Variants in ADGRV1 observed in about 807,000 individuals in gnomAD.
ADGRV1 encodes adhesion G protein-coupled receptor V1.
A neutral mutation model predicts 596.2 loss-of-function variants in ADGRV1; 359 were observed. The ratio of observed to expected loss-of-function variants is 0.60; its 90% CI spans 0.55 to 0.66. ADGRV1 has a LOEUF of 0.66. Ranked by LOEUF, ADGRV1 falls within the 30% of genes least tolerant of loss-of-function variation. The pLI, the probability that ADGRV1 is intolerant of heterozygous loss-of-function variation, is 0.00. For synonymous variants in ADGRV1, 2,681 were observed against 2,679.2 expected, an observed-to-expected ratio of 1.00 and a Z score of -0.02; for missense variants, 7,274 against 7,575.6, an observed-to-expected ratio of 0.96 and a Z score of 1.48.
chr5:90,736,617 G>A (rs1753258472), intron 50 of ADGRV1, among the ~76,000 whole-genome samples: 1 of 151,954 alleles, frequency 6.6e-6, no homozygotes, highest in South Asian at 2.1e-4. Context: ...TTTGATATGA[G>A]TCGTTTTATG....
chr5:90,961,029 A>G (rs1425361878), intron 83 of ADGRV1, among the ~76,000 whole-genome samples: 1 of 152,138 alleles, frequency 6.6e-6, no homozygotes, highest in Non-Finnish European at 1.5e-5. Context: ...AATACTTGTC[A>G]CATTTTATTG....
intron 54 of ADGRV1, among the ~76,000 whole-genome samples, chr5:90,754,253 T>G (rs966192217): frequency 6.6e-6 from 1 of 152,164 alleles, no homozygotes; most frequent in Non-Finnish European, 1.5e-5. Flanking sequence ...AAAATAGTAA[T>G]TAGAATAATT....
intron 32 of ADGRV1, 45 bp from the exon 33 acceptor site, chr5:90,693,845 C>G (rs1426571967): frequency 7.2e-7 from 1 of 1,395,926 alleles, no homozygotes; most frequent in Non-Finnish European, 9.6e-7. Flanking sequence ...TTTGTAATTA[C>G]TTTGAGTGCT....
chr5:91,015,648 G>A (rs1783115908), intron 85 of ADGRV1, among the ~76,000 whole-genome samples: 1 of 151,892 alleles, frequency 6.6e-6, no homozygotes, highest in African/African-American at 2.4e-5. Context: ...CCTTATTTGT[G>A]TTTTTTAGTC....
In ADGRV1 at chr5:90,685,889, A is replaced by G; in HGVS notation, c.6384A>G (p.Arg2128=). The part of the protein sequence containing the change: ...GTLQLSAPIV[R]VAENHVGPII... ...TTCAGCTCTCAGCACCAATTGTCCG[A>G]GTGGCAGAAAATCATGTTGGACCCA... The change falls in exon 29 of 90, where the codon CGA becomes CGG. Residue 2128 remains arginine, a synonymous_variant. Transcript: ENST00000405460. 1 of 1,612,566 alleles carries G rather than the reference A, an allele frequency of 6.2e-7. No individual in the cohort carries two copies. Among genetic ancestry groups the G allele is most frequent in the Non-Finnish European group, 8.5e-7 (1 of 1,178,988 alleles).
intron 85 of ADGRV1, among the ~76,000 whole-genome samples, chr5:91,032,809 G>T (rs969279035): frequency 2.0e-5 from 3 of 152,070 alleles, no homozygotes; most frequent in Non-Finnish European, 4.4e-5. Flanking sequence ...TCTTCCAGGG[G>T]AAATCATTTT....
intron 1 of ADGRV1, among the ~76,000 whole-genome samples, chr5:90,559,664 TA>T (rs930136956): frequency 6.6e-6 from 1 of 152,154 alleles, no homozygotes; most frequent in African/African-American, 2.4e-5. Flanking sequence ...AAAATGTGTG[TA>T]ATGTATTTAC....
At chr5:90,654,118 TC>T in intron 20 of ADGRV1, 166 bp downstream of exon 20, 1 of 752,680 alleles carries the variant, frequency 1.3e-6, no homozygotes, top group Non-Finnish European at 2.1e-6. Context: ...AATGAGAAAT[TC>T]TGTCCTGAGT....
At chr5:90,969,152 C>T (rs1363742673) in intron 84 of ADGRV1, among the ~76,000 whole-genome samples, 1 of 152,102 alleles carries the variant, frequency 6.6e-6, no homozygotes, top group Non-Finnish European at 1.5e-5. Context: ...TATTTGAAAA[C>T]TCAAGTTGTA....
intron 87 of ADGRV1, among the ~76,000 whole-genome samples, chr5:91,113,386 G>A (rs1298512388): frequency 6.6e-6 from 1 of 152,090 alleles, no homozygotes; most frequent in East Asian, 1.9e-4. Context: ...CAGTCAGTGT[G>A]CAATCTCAGG....
chr5:90,669,491 G>A (rs1175775746), intron 21 of ADGRV1, among the ~76,000 whole-genome samples: 2 of 152,040 alleles, frequency 1.3e-5, no homozygotes, highest in Non-Finnish European at 2.9e-5. Context: ...ATAGAGACCT[G>A]ATAAAAATGT....
intron 53 of ADGRV1, among the ~76,000 whole-genome samples, chr5:90,753,093 G>A (rs185395339): frequency 4.6e-5 from 7 of 152,246 alleles, no homozygotes; most frequent in Admixed American, 3.3e-4. Context: ...GCTATGATTT[G>A]TATCTCTCCC....
chr5:90,784,351 A>G (rs1759193156), intron 67 of ADGRV1, among the ~76,000 whole-genome samples: 2 of 152,174 alleles, frequency 1.3e-5, no homozygotes, highest in Admixed American at 6.5e-5. Context: ...ACACTGTTCT[A>G]GGTACTGAGA....
intron 48 of ADGRV1, 63 bp from the exon 49 acceptor site, chr5:90,728,606 T>C: frequency 3.7e-6 from 5 of 1,341,652 alleles, no homozygotes; most frequent in Non-Finnish European, 5.2e-6. Context: ...TGGTATTGAT[T>C]ACATTCTTGC....
intron 83 of ADGRV1, among the ~76,000 whole-genome samples, chr5:90,864,122 A>G (rs949712420): frequency 2.6e-5 from 4 of 152,064 alleles, no homozygotes; most frequent in Non-Finnish European, 4.4e-5. Context: ...GTCAGCTAAT[A>G]TATGCTGAAT....
chr5:91,011,857 T>A (rs1475339134), intron 85 of ADGRV1, among the ~76,000 whole-genome samples: 2 of 151,922 alleles, frequency 1.3e-5, no homozygotes, highest in African/African-American at 4.8e-5. Flanking sequence ...AATTAACCAA[T>A]TTATCCATTT....
chr5:90,623,036 C>T (rs1370549002), intron 5 of ADGRV1, among the ~76,000 whole-genome samples: 5 of 152,154 alleles, frequency 3.3e-5, no homozygotes, highest in South Asian at 2.1e-4. Context: ...CCACTGCACC[C>T]GGCCCTGAAA....
chr5:91,153,227 C>A lies in ADGRV1; in HGVS notation c.18631C>A (p.Pro6211Thr). 6.2e-7 allele frequency: 1 copy of A among 1,604,178 alleles called. No homozygotes were observed. Among genetic ancestry groups the A allele is most frequent in the African/African-American group, 1.3e-5 (1 of 74,754 alleles). ...CCCATCCCAATCTAAAAAGGTGCCA[C>A]CTGACTGGGAGAGAGCATCCTTCCA... is the stretch of plus-strand genomic sequence containing the variant. ...NLIGAMEEVP[P>T]DWERASFQQG... Residue 6211 changes from proline to threonine, a missense_variant, in exon 89 of 90, where the codon CCT becomes ACT. Physicochemically the swap from Pro to Thr is conservative, Grantham distance 38. Coordinates refer to ENST00000405460, the MANE Select transcript of ADGRV1 (RefSeq NM_032119.4).
chr5:90,770,818 A>G (rs1271682098), intron 59 of ADGRV1, among the ~76,000 whole-genome samples: 2 of 152,166 alleles, frequency 1.3e-5, no homozygotes, highest in Non-Finnish European at 2.9e-5. Flanking sequence ...GGTAACCGCT[A>G]TTGACAGTTT....
Sources: gnomAD v4.1 joint callset for allele counts (sites outside exome capture counted in the v4.1 genomes callset) on GRCh38, gnomAD v4.1.1 for gene constraint, MANE v1.5 for transcripts, NCBI Gene and HGNC (gene_info 2026-07-23, HGNC 2026-07-21) for gene names.